Variants in CRX observed in about 807,000 individuals in gnomAD.
The protein encoded by CRX is cone-rod homeobox, also known as cone-rod homeobox protein.
Under a neutral mutation model 13.1 loss-of-function variants are expected in CRX, and 5 were observed. The observed-to-expected ratio is 0.38, with a 90% CI of 0.20 to 0.80. CRX has a LOEUF of 0.80. Among genes scored for constraint, CRX ranks in the 30% least tolerant of loss-of-function variants. CRX has a pLI of 0.43. For missense variants in CRX, 351 were observed against 391.8 expected (o/e 0.90, Z 0.88); for synonymous variants, 179 against 171.1 (o/e 1.05, Z -0.36).
chr19:47,822,241 G>A (rs962624710), intron 1 of CRX, among the ~76,000 whole-genome samples: 2 of 152,182 alleles, frequency 1.3e-5, no homozygotes, highest in African/African-American at 2.4e-5. Context: ...GATGGCACTC[G>A]GGGCATTGGG....
In CRX at chr19:47,839,205, G is replaced by A. The variant is rs1180847264; in HGVS notation, c.253-115G>A. ...ACGCCCCACAGCTGGATGCAAAGTA[G>A]ACAGATGTGAACCCAGCACCTCTCA... is the stretch of plus-strand genomic sequence containing the variant. On this transcript the variant is annotated intron_variant, in intron 3 of 3. Transcript: ENST00000221996. The surrounding 1 kb of genome is among the most constrained non-coding windows in gnomAD (Gnocchi z 4.6). The A allele has an allele frequency of 6.3e-5, 72 of 1,145,788 alleles. No homozygotes were observed. The Admixed American group carries it at 1.6e-3, about 25-fold the overall frequency. 71.0% of individuals were successfully genotyped at this position (1,145,788 alleles called of 1,614,324 possible).
chr19:47,834,516 C>A lies in CRX; in HGVS notation c.73C>A (p.Leu25Met), dbSNP rs1210601065. The A allele has an allele frequency of 1.9e-6, 3 of 1,614,162 alleles. No individual in the cohort carries two copies. Among genetic ancestry groups the A allele is most frequent in the South Asian group, 2.2e-5 (2 of 91,080 alleles). Reference sequence around the variant, plus strand: ...GGCCCTAAGTGGCCCCAGTGTGGATCTGATGCACCAGGCTGTGCCCTACCC... The same window carrying A: ...GGCCCTAAGTGGCCCCAGTGTGGATATGATGCACCAGGCTGTGCCCTACCC... ...ALALSGPSVD[L>M]MHQAVPYPSA... Residue 25 changes from leucine (L) to methionine (M), a missense_variant, in exon 2 of 4, where the codon CTG becomes ATG. Around this residue, in one of 3 missense-constraint regions of CRX, gnomAD observed 95 missense variants for 106.7 expected, o/e 0.89. Coordinates refer to ENST00000221996, the MANE Select transcript of CRX (RefSeq NM_000554.6).
At chr19:47,835,151 T>C (rs1254516309) in intron 2 of CRX, among the ~76,000 whole-genome samples, 1 of 152,132 alleles carries the variant, frequency 6.6e-6, no homozygotes, top group African/African-American at 2.4e-5. Context: ...CACGCCACCA[T>C]GCCTGGCTAA....
intron 3 of CRX, among the ~76,000 whole-genome samples, chr19:47,838,245 T>A (rs948328722): frequency 1.4e-5 from 2 of 144,014 alleles, no homozygotes; most frequent in African/African-American, 5.0e-5. Context: ...GCATGTATAA[T>A]TGTATGTATG....
Position 47,841,094 on chromosome 19 carries a change from G to A in CRX, c.*1127G>A, listed in dbSNP as rs1968191615. 6.6e-6 allele frequency: 1 copy of A among 152,120 alleles called. No homozygotes were observed. The highest frequency in any genetic ancestry group is 2.4e-5 in the African/African-American group (1 of 41,440). 9.4% of individuals were successfully genotyped at this position (152,120 alleles called of 1,614,324 possible). A position where few individuals can be genotyped will look rare whatever the true frequency, so the allele number is the denominator to read the frequency against. On this transcript the variant is annotated 3_prime_UTR_variant, in exon 4 of 4. Transcript: ENST00000221996. ...GACAGACTTTAAGAAGCCCCGTCGGGAAACCTTAGGCCAATGATGTGGTTA... is the reference window on the plus strand; with the variant it reads ...GACAGACTTTAAGAAGCCCCGTCGGAAAACCTTAGGCCAATGATGTGGTTA...
Position 47,839,875 on chromosome 19 carries a change from A to G in CRX, c.808A>G (p.Lys270Glu). 8 of 1,613,978 alleles carry G rather than the reference A, an allele frequency of 5.0e-6. No individual in the cohort carries two copies. The highest frequency in any genetic ancestry group is 2.7e-5 in the African/African-American group (2 of 74,968). ...CAGCCCCGTGGATAGCTTGGAATTCAAGGACCCCACGGGCACCTGGAAATT... is the reference window on the plus strand; with the variant it reads ...CAGCCCCGTGGATAGCTTGGAATTCGAGGACCCCACGGGCACCTGGAAATT... Reference protein sequence around the residue: ...AYSPVDSLEFKDPTGTWKFTY... With the variant: ...AYSPVDSLEFEDPTGTWKFTY... The change falls in exon 4 of 4, where the codon AAG (lysine) becomes GAG (glutamate). Residue 270 changes from lysine (K) to glutamate (E), a missense_variant. Transcript: ENST00000221996. The surrounding 1 kb of genome is among the most constrained non-coding windows in gnomAD (Gnocchi z 4.6).
At chr19:47,828,612 AGCGT>A (rs1164112657) in intron 1 of CRX, among the ~76,000 whole-genome samples, 1 of 149,506 alleles carries the variant, frequency 6.7e-6, no homozygotes, top group African/African-American at 2.5e-5. Flanking sequence ...GGAGGTAGGG[AGCGT>A]GTGTGTGTGT....
chr19:47,831,865 C>T (rs539960314), intron 1 of CRX, among the ~76,000 whole-genome samples: 20 of 151,990 alleles, frequency 1.3e-4, no homozygotes, highest in Admixed American at 1.0e-3. Flanking sequence ...GCCTCAGCCT[C>T]CAGAGTAGCT....
chr19:47,836,496 C>A, intron 3 of CRX, 102 bp downstream of exon 3: 1 of 1,479,344 alleles, frequency 6.8e-7, no homozygotes, highest in Non-Finnish European at 9.4e-7. Flanking sequence ...CACAGAGTGA[C>A]AGCCAAAGTT....
At chr19:47,824,400 C>T (rs529705506) in intron 1 of CRX, among the ~76,000 whole-genome samples, 8 of 152,174 alleles carry the variant, frequency 5.3e-5, no homozygotes, top group African/African-American at 1.4e-4. Flanking sequence ...CTGGCTCTGC[C>T]GCTGACGTGC....
Position 47,834,629 on chromosome 19 carries a change from C to A in CRX, c.100+86C>A, listed in dbSNP as rs926660158. The A allele has an allele frequency of 3.7e-6, 4 of 1,085,422 alleles. No homozygotes were observed. In the African/African-American group the frequency reaches 4.7e-5, roughly 13 times the overall value. The allele number at this position is 1,085,422 out of a possible 1,614,324, so 67.2% of individuals were successfully genotyped here. A position where few individuals can be genotyped will look rare whatever the true frequency, so the allele number is the denominator to read the frequency against. On this transcript the variant is annotated intron_variant, in intron 2 of 3. Coordinates refer to ENST00000221996, the MANE Select transcript of CRX (RefSeq NM_000554.6). ...GGTCCCTTTGCCCCCAGGAAGAAGGCAATCACAGGGGCGACTTCAGGGCCA... is the reference window on the plus strand; with the variant it reads ...GGTCCCTTTGCCCCCAGGAAGAAGGAAATCACAGGGGCGACTTCAGGGCCA...
At chr19:47,834,684 G>A (rs1968095282) in intron 2 of CRX, 141 bp downstream of exon 2, 4 of 671,316 alleles carry the variant, frequency 6.0e-6, no homozygotes, top group African/African-American at 1.8e-5. Context: ...CATCTGAAAT[G>A]TATGTCACTT....
rs879667901 is a variant in CRX at position 47,840,098 on chromosome 19, C to G, written c.*131C>G. 8 of 1,061,162 alleles carry G rather than the reference C, an allele frequency of 7.5e-6. No individual in the cohort carries two copies. Among genetic ancestry groups the G allele is most frequent in the African/African-American group, 3.1e-5 (2 of 63,864 alleles). The allele number at this position is 1,061,162 out of a possible 1,614,324, so 65.7% of individuals were successfully genotyped here. A position where few individuals can be genotyped will look rare whatever the true frequency, so the allele number is the denominator to read the frequency against. On this transcript the variant is annotated 3_prime_UTR_variant, in exon 4 of 4. Coordinates refer to ENST00000221996, the MANE Select transcript of CRX (RefSeq NM_000554.6). ...CGAACCAGCTGTCCTTCTGACAGCTCGGTGTTCAGCTTACAGAGACCACCC... is the reference window on the plus strand; with the variant it reads ...CGAACCAGCTGTCCTTCTGACAGCTGGGTGTTCAGCTTACAGAGACCACCC...
chr19:47,825,877 G>A (rs1967969404), intron 1 of CRX, among the ~76,000 whole-genome samples: 1 of 152,104 alleles, frequency 6.6e-6, no homozygotes, highest in Non-Finnish European at 1.5e-5. Context: ...AGCCAAGATT[G>A]CGCCACTGCA....
In CRX at chr19:47,834,453, T is replaced by C. The variant is rs150122798; in HGVS notation, c.10T>C (p.Tyr4His). 6.2e-7 allele frequency: 1 copy of C among 1,613,902 alleles called. No homozygotes were observed. The highest frequency in any genetic ancestry group is 8.5e-7 in the Non-Finnish European group (1 of 1,179,892). The change falls in exon 2 of 4, where the codon TAT (tyrosine) becomes CAT (histidine). Residue 4 changes from tyrosine to histidine, a missense_variant. Physicochemically the swap from Tyr to His is moderately conservative, Grantham distance 83. This residue lies in a region of CRX where 95 missense variants were observed against 106.7 expected (regional missense o/e 0.89). Transcript: ENST00000221996. MMAYMNPGPHYSVN... is the reference protein window; with the variant it reads MMAHMNPGPHYSVN... The stretch of plus-strand genomic sequence containing the variant: ...AGTGTCCCCGAAGATCATGATGGCG[T>C]ATATGAACCCGGGGCCCCACTATTC...
Position 47,836,283 on chromosome 19 carries a change from C to A in CRX, c.141C>A (p.Thr47=). The A allele has an allele frequency of 6.2e-7, 1 of 1,614,194 alleles. No homozygotes were observed. The highest frequency in any genetic ancestry group is 8.5e-7 in the Non-Finnish European group (1 of 1,180,040). ...AGCGGCGGGAGCGCACCACCTTCAC[C>A]CGGAGCCAACTGGAGGAGCTGGAGG... ...RKQRRERTTF[T]RSQLEELEAL... is the part of the protein sequence containing the mutation. The change falls in exon 3 of 4, where the codon ACC becomes ACA. Residue 47 remains threonine (T), a synonymous_variant. Coordinates refer to ENST00000221996, the MANE Select transcript of CRX (RefSeq NM_000554.6).
intron 1 of CRX, among the ~76,000 whole-genome samples, chr19:47,832,969 A>C (rs774994735): frequency 2.0e-5 from 3 of 150,984 alleles, no homozygotes; most frequent in Non-Finnish European, 2.9e-5. Context: ...GGAAGTTATC[A>C]ACCTCCTTCA....
rs1233239612 is a variant in CRX at position 47,842,446 on chromosome 19, G to T, written c.*2479G>T. 2 of 152,278 alleles carry T rather than the reference G, an allele frequency of 1.3e-5. No homozygotes were observed. The highest frequency in any genetic ancestry group is 4.8e-5 in the African/African-American group (2 of 41,454). The allele number at this position is 152,278 out of a possible 1,614,324, so 9.4% of individuals were successfully genotyped here. On this transcript the variant is annotated 3_prime_UTR_variant, in exon 4 of 4. Coordinates refer to ENST00000221996, the MANE Select transcript of CRX (RefSeq NM_000554.6). ...ATAATACAAAAATTAGCCGGGCATG[G>T]TGGCACGCGCCTGTAATCCCAGCTA...
At chr19:47,833,870 C>T (rs559245434) in intron 1 of CRX, among the ~76,000 whole-genome samples, 3 of 151,974 alleles carry the variant, frequency 2.0e-5, no homozygotes, top group Non-Finnish European at 4.4e-5. Context: ...GGCTGGAGTG[C>T]AATGGCCTGA....
Sources: allele counts gnomAD v4.1 joint callset (sites outside exome capture counted in the v4.1 genomes callset), GRCh38; gene constraint gnomAD v4.1.1; regional missense constraint gnomAD v4.1.1; non-coding constraint Gnocchi (gnomAD v3.1); transcripts MANE v1.5; gene names NCBI Gene and HGNC (gene_info 2026-07-23, HGNC 2026-07-21).